Variants in PKD2L1 observed in about 807,000 individuals in gnomAD.
PKD2L1 encodes polycystin-2-like protein 1.
A neutral mutation model predicts 93.0 loss-of-function variants in PKD2L1; 77 were observed. The observed-to-expected ratio is 0.83, with a 90% CI of 0.69 to 1.00. The LOEUF is 1.00. PKD2L1 is among the 50% of genes least tolerant of loss of function. The pLI, the probability that PKD2L1 is intolerant of heterozygous loss-of-function variation, is 0.00. For missense variants in PKD2L1, 977 were observed against 990.9 expected (o/e 0.99, Z 0.19); for synonymous variants, 390 against 388.0 (o/e 1.01, Z -0.06).
chr10:100,324,280 A>T (rs1003987330), intron 2 of PKD2L1, among the ~76,000 whole-genome samples: 1 of 152,260 alleles, frequency 6.6e-6, no homozygotes, highest in Non-Finnish European at 1.5e-5. Flanking sequence ...CAATGGACCT[A>T]CATTGACACA....
Position 100,297,155 on chromosome 10 carries a change from C to T in PKD2L1, c.1010G>A (p.Arg337His), listed in dbSNP as rs531765822. ...TGGAIPSWQI[R>H]TVKLIRYVSN... is the part of the protein sequence containing the mutation. ...GACATAGCGGATCAGCTTGACTGTG[C>T]GGATTTGCCAGGATGGGATGGCACC... The change falls in exon 6 of 16, where the codon CGC becomes CAC. Residue 337 changes from arginine to histidine, a missense_variant. Physicochemically the swap from Arg to His is conservative, Grantham distance 29. Transcript: ENST00000318222. 304 of 1,614,068 alleles carry T rather than the reference C, an allele frequency of 1.9e-4. 1 individual carries two copies. The highest frequency in any genetic ancestry group is 1.2e-3 in the South Asian group (107 of 91,078).
chr10:100,290,862 G>A (rs1848391182), intron 12 of PKD2L1, among the ~76,000 whole-genome samples: 1 of 152,196 alleles, frequency 6.6e-6, no homozygotes, highest in South Asian at 2.1e-4. Context: ...GGTCCACACT[G>A]GATAGGGATG....
chr10:100,316,391 C>G (rs1849102589), intron 2 of PKD2L1, among the ~76,000 whole-genome samples: 1 of 152,180 alleles, frequency 6.6e-6, no homozygotes, highest in South Asian at 2.1e-4. Flanking sequence ...AAGCTGGTCT[C>G]GAACTCCTGA....
intron 2 of PKD2L1, among the ~76,000 whole-genome samples, chr10:100,300,881 G>A (rs997324516): frequency 3.3e-5 from 5 of 151,886 alleles, no homozygotes; most frequent in African/African-American, 1.2e-4. Flanking sequence ...TGTTGCCCAG[G>A]ATGGAGTGCA....
intron 2 of PKD2L1, among the ~76,000 whole-genome samples, chr10:100,314,997 AGGAAGGAAGGAAG>A (rs1445955105): frequency 8.8e-5 from 1 of 11,314 alleles, no homozygotes; most frequent in Non-Finnish European, 1.4e-4. Flanking sequence ...GAAGGAAGGA[AGGAAGGAAGGAAG>A]GAAGGGAAGG....
chr10:100,321,904 C>G (rs1260621), intron 2 of PKD2L1, among the ~76,000 whole-genome samples: 483 of 9,382 alleles, frequency 0.051, 109 homozygotes, highest in African/African-American at 0.17. Context: ...GGGAAGGAAG[C>G]AAGGAAGGAA....
chr10:100,304,860 G>A (rs73341804), intron 2 of PKD2L1, among the ~76,000 whole-genome samples: 1 of 152,118 alleles, frequency 6.6e-6, no homozygotes, highest in African/African-American at 2.4e-5. Context: ...AGCAGAATGA[G>A]CATGAGCACT....
In PKD2L1 at chr10:100,299,694, C is replaced by T; in HGVS notation, c.374G>A (p.Ser125Asn). 6.2e-7 allele frequency: 1 copy of T among 1,613,810 alleles called. No homozygotes were observed. The highest frequency in any genetic ancestry group is 8.5e-7 in the Non-Finnish European group (1 of 1,179,660). The part of the protein sequence containing the change: ...CLLTYGMTSS[S>N]AYYYTKVMSE... ...CATCACTTTGGTGTAGTAATAAGCA[C>T]TGGAGCTTGTCATTCCATAGGTCAC... The change falls in exon 3 of 16, where the codon AGT becomes AAT. Residue 125 changes from serine (S) to asparagine (N), a missense_variant. Physicochemically the swap from Ser to Asn is conservative, Grantham distance 46. Coordinates refer to ENST00000318222, the MANE Select transcript of PKD2L1 (RefSeq NM_016112.3).
intron 2 of PKD2L1, among the ~76,000 whole-genome samples, chr10:100,307,658 T>A (rs192011483): frequency 3.8e-4 from 58 of 152,178 alleles, no homozygotes; most frequent in African/African-American, 1.3e-3. Flanking sequence ...AGACACTGCC[T>A]CAAAAAATAA....
chr10:100,293,239 G>T (rs764715057), intron 10 of PKD2L1, 42 bp downstream of exon 10: 1 of 1,521,942 alleles, frequency 6.6e-7, no homozygotes, highest in Non-Finnish European at 9.1e-7. Context: ...TTAGACTGGG[G>T]CACTGATGGA....
intron 2 of PKD2L1, among the ~76,000 whole-genome samples, chr10:100,327,350 C>T (rs1404397747): frequency 2.0e-5 from 3 of 152,212 alleles, no homozygotes; most frequent in Non-Finnish European, 4.4e-5. Context: ...TCTGTAATTA[C>T]TGAACGAAGC....
rs141615073 is a variant in PKD2L1, at chr10:100,315,254, T to C, written c.349+13957A>G. Among the ~76,000 whole-genome samples the C allele has an allele frequency of 9.5e-3, 1,437 of 151,782 alleles. 19 individuals carry two copies. The highest frequency in any genetic ancestry group is 0.031 in the Middle Eastern group (9 of 292). ...AACGTGCAGGTTTGTTACATAGGTA[T>C]ACATGTGCCACGGTGGTTTGCTGCA... is the stretch of plus-strand genomic sequence containing the variant. On this transcript the variant is annotated intron_variant, in intron 2 of 15. Coordinates refer to ENST00000318222, the MANE Select transcript of PKD2L1 (RefSeq NM_016112.3).
At chr10:100,294,331 G>C (rs1564880705) in intron 9 of PKD2L1, among the ~76,000 whole-genome samples, 1 of 152,050 alleles carries the variant, frequency 6.6e-6, no homozygotes, top group African/African-American at 2.4e-5. Flanking sequence ...GAGTCTGCAG[G>C]TTCCCTTATA....
chr10:100,329,685 C>T (rs925014879), intron 1 of PKD2L1, among the ~76,000 whole-genome samples, 184 bp downstream of exon 1: 1 of 152,206 alleles, frequency 6.6e-6, no homozygotes. Context: ...AACCGGTAGA[C>T]CGCTCAGCTG....
intron 2 of PKD2L1, among the ~76,000 whole-genome samples, chr10:100,326,838 T>G (rs1428918487): frequency 1.3e-5 from 2 of 152,250 alleles, no homozygotes; most frequent in Non-Finnish European, 1.5e-5. Flanking sequence ...TGTGCAAATT[T>G]GGAGCCCATG....
intron 2 of PKD2L1, among the ~76,000 whole-genome samples, chr10:100,316,212 G>A (rs184845983): frequency 8.3e-4 from 126 of 152,232 alleles, no homozygotes; most frequent in African/African-American, 3.0e-3. Flanking sequence ...TGCTTTTGTT[G>A]CCCAGGCTGG....
At position 100,299,738 on chromosome 10, in the gene PKD2L1, G is replaced by C; in HGVS notation, c.350-20C>G. ...AGGTCACTAGAAAACAACCCAAGAGGCTATGTCCTTCTCACTGTTCCCCCA... is the reference window on the plus strand; with the variant it reads ...AGGTCACTAGAAAACAACCCAAGAGCCTATGTCCTTCTCACTGTTCCCCCA... On this transcript the variant is annotated intron_variant, in intron 2 of 15. Transcript: ENST00000318222. The C allele has an allele frequency of 1.9e-6, 3 of 1,611,592 alleles. No homozygotes were observed. The highest frequency in any genetic ancestry group is 2.5e-6 in the Non-Finnish European group (3 of 1,177,810).
At chr10:100,316,145 C>A (rs562617000) in intron 2 of PKD2L1, among the ~76,000 whole-genome samples, 1 of 152,118 alleles carries the variant, frequency 6.6e-6, no homozygotes, top group Non-Finnish European at 1.5e-5. Flanking sequence ...TTCCTTACTC[C>A]TTGAAGGCAG....
At chr10:100,329,783 C>G in intron 1 of PKD2L1, 86 bp downstream of exon 1, 1 of 912,678 alleles carries the variant, frequency 1.1e-6, no homozygotes, top group Non-Finnish European at 1.7e-6. Flanking sequence ...CTTCAGATCA[C>G]ATTCCACCCC....
Sources: allele counts gnomAD v4.1 joint callset (sites outside exome capture counted in the v4.1 genomes callset), GRCh38; gene constraint gnomAD v4.1.1; transcripts MANE v1.5; gene names NCBI Gene and HGNC (gene_info 2026-07-23, HGNC 2026-07-21).